The following CLIC5 variants were observed in gnomAD, a reference collection of about 807,000 sequenced individuals.
CLIC5 encodes the protein CLIC family member 5.
In CLIC5, 20 loss-of-function variants were observed where a neutral mutation model predicts 24.7. The observed-to-expected ratio is 0.81, with a 90% CI of 0.57 to 1.18. The LOEUF is 1.18. Ranked by LOEUF, CLIC5 falls within the 50% of genes most tolerant of loss-of-function variation. CLIC5 has a pLI of 0.00. For missense variants in CLIC5, 341 were observed against 326.1 expected, an observed-to-expected ratio of 1.05 and a Z score of -0.35; for synonymous variants, 159 against 135.6, an observed-to-expected ratio of 1.17 and a Z score of -1.20.
the CLIC5 span, among the ~76,000 whole-genome samples, chr6:46,118,898 T>G: frequency 1.3e-5 from 2 of 152,202 alleles, no homozygotes; most frequent in East Asian, 3.9e-4. Flanking sequence ...GGGGAGATAT[T>G]ATCTTGCATC....
At chr6:45,942,133 A>G (rs939844931) in intron 3 of CLIC5, among the ~76,000 whole-genome samples, 8 of 152,138 alleles carry the variant, frequency 5.3e-5, no homozygotes, top group African/African-American at 1.9e-4. Flanking sequence ...TTAGCATTAA[A>G]CCATTTCTCC....
intron 1 of CLIC5, among the ~76,000 whole-genome samples, chr6:46,065,626 G>A (rs1762421164): frequency 6.6e-6 from 1 of 152,002 alleles, no homozygotes; most frequent in Non-Finnish European, 1.5e-5. Context: ...GTACCAACAT[G>A]GTGAGTTCAA....
intron 3 of CLIC5, among the ~76,000 whole-genome samples, chr6:45,942,587 G>T (rs190874568): frequency 2.2e-4 from 33 of 152,346 alleles, no homozygotes; most frequent in African/African-American, 7.2e-4. Flanking sequence ...TGATCTCTGG[G>T]TGAATCGTTT....
the CLIC5 span, among the ~76,000 whole-genome samples, chr6:46,119,791 G>A: frequency 4.6e-5 from 7 of 152,222 alleles, no homozygotes; most frequent in African/African-American, 1.4e-4. Context: ...ATTATATCCT[G>A]CACCTGGCTT....
At chr6:45,942,305 C>CCT (rs1226534081) in intron 3 of CLIC5, among the ~76,000 whole-genome samples, 1 of 151,696 alleles carries the variant, frequency 6.6e-6, no homozygotes, top group South Asian at 2.1e-4. Context: ...ATCCAGCCCC[C>CCT]CTCTCTCTCT....
At chr6:46,060,494 A>G (rs1762226182) in intron 1 of CLIC5, among the ~76,000 whole-genome samples, 1 of 152,098 alleles carries the variant, frequency 6.6e-6, no homozygotes, top group Non-Finnish European at 1.5e-5. Context: ...ACATATATAA[A>G]CTCATTTAAT....
At chr6:46,035,492 C>T (rs949038360) in intron 1 of CLIC5, among the ~76,000 whole-genome samples, 1 of 152,206 alleles carries the variant, frequency 6.6e-6, no homozygotes, top group African/African-American at 2.4e-5. Context: ...CTGGCTCCAT[C>T]TCTACTGTTG....
At chr6:46,024,359 T>C (rs1290582584) in intron 1 of CLIC5, among the ~76,000 whole-genome samples, 1 of 152,180 alleles carries the variant, frequency 6.6e-6, no homozygotes, top group African/African-American at 2.4e-5. Context: ...TGGTTCAAAA[T>C]GGGCACATGA....
intron 1 of CLIC5, among the ~76,000 whole-genome samples, chr6:46,034,779 C>A (rs1335541159): frequency 1.3e-5 from 2 of 152,204 alleles, no homozygotes; most frequent in Admixed American, 6.5e-5. Flanking sequence ...TATCTCAAAA[C>A]TTCTTATAGC....
At chr6:46,065,909 T>C (rs1373551397) in intron 1 of CLIC5, among the ~76,000 whole-genome samples, 1 of 152,204 alleles carries the variant, frequency 6.6e-6, no homozygotes, top group Non-Finnish European at 1.5e-5. Flanking sequence ...TTAATGTATG[T>C]AAATTATATC....
the CLIC5 span, among the ~76,000 whole-genome samples, chr6:46,103,151 G>A: frequency 2.6e-5 from 4 of 151,942 alleles, no homozygotes; most frequent in Non-Finnish European, 5.9e-5. Flanking sequence ...TTTGCCTATA[G>A]TCCTGTAACT....
At chr6:46,097,543 A>G in the CLIC5 span, among the ~76,000 whole-genome samples, 2 of 152,236 alleles carry the variant, frequency 1.3e-5, no homozygotes, top group Non-Finnish European at 2.9e-5. Context: ...AATACTGGCT[A>G]TGCTGGACCA....
intron 1 of CLIC5, among the ~76,000 whole-genome samples, chr6:45,972,866 T>A (rs1765247092): frequency 6.6e-6 from 1 of 152,198 alleles, no homozygotes; most frequent in African/African-American, 2.4e-5. Context: ...AGATTTCACA[T>A]AATTCTTGGT....
intron 1 of CLIC5, among the ~76,000 whole-genome samples, chr6:45,974,521 A>G (rs1765318374): frequency 2.3e-5 from 1 of 43,802 alleles, no homozygotes; most frequent in African/African-American, 1.1e-4. Flanking sequence ...ATATATATAT[A>G]TAGAGAGAGA....
chr6:46,009,241 T>C (rs951760797), intron 1 of CLIC5, among the ~76,000 whole-genome samples: 3 of 151,954 alleles, frequency 2.0e-5, no homozygotes, highest in Non-Finnish European at 2.9e-5. Flanking sequence ...ACAACTCCAT[T>C]TCTTTTTACA....
chr6:46,032,777 C>A (rs933881458), intron 1 of CLIC5, among the ~76,000 whole-genome samples: 1 of 152,112 alleles, frequency 6.6e-6, no homozygotes, highest in African/African-American at 2.4e-5. Context: ...GTGAGCTACT[C>A]GGGCTGGTCA....
At chr6:46,053,604 C>T (rs916298254) in intron 1 of CLIC5, among the ~76,000 whole-genome samples, 5 of 152,080 alleles carry the variant, frequency 3.3e-5, no homozygotes, top group African/African-American at 7.2e-5. Flanking sequence ...TCGTTGAGGT[C>T]GGTATTAATG....
intron 1 of CLIC5, among the ~76,000 whole-genome samples, chr6:46,050,358 A>T (rs900236610): frequency 2.0e-5 from 3 of 152,256 alleles, no homozygotes; most frequent in Admixed American, 2.0e-4. Flanking sequence ...TAAAAAGGGG[A>T]GGCTTTTATA....
At chr6:45,984,173 A>T (rs1320163444) in intron 1 of CLIC5, among the ~76,000 whole-genome samples, 1 of 152,226 alleles carries the variant, frequency 6.6e-6, no homozygotes, top group Non-Finnish European at 1.5e-5. Flanking sequence ...GAGATTTAAA[A>T]AAGTACTTGG....
Sources: gnomAD v4.1 joint callset for allele counts (sites outside exome capture counted in the v4.1 genomes callset) on GRCh38, gnomAD v4.1.1 for gene constraint, MANE v1.5 for transcripts, NCBI Gene and HGNC (gene_info 2026-07-23, HGNC 2026-07-21) for gene names.